The following CREB3L1 variants were observed in gnomAD, a reference collection of about 807,000 sequenced individuals.
CREB3L1 encodes cyclic AMP-responsive element-binding protein 3-like protein 1.
Under a neutral mutation model 54.5 loss-of-function variants are expected in CREB3L1, and 33 were observed. That is an observed-to-expected ratio of 0.61 (90% confidence interval 0.46 to 0.81). The LOEUF is 0.81. CREB3L1 is among the 30% of genes least tolerant of loss of function. The pLI, the probability that CREB3L1 is intolerant of heterozygous loss-of-function variation, is 0.00. For missense variants in CREB3L1, 656 were observed against 673.3 expected (o/e 0.97, Z 0.29); for synonymous variants, 284 against 286.4 (o/e 0.99, Z 0.08).
At chr11:46,283,905 T>G (rs1939015724) in intron 1 of CREB3L1, among the ~76,000 whole-genome samples, 1 of 151,824 alleles carries the variant, frequency 6.6e-6, no homozygotes, top group African/African-American at 2.4e-5. Context: ...GTTCAAGAGG[T>G]GTACTTATGA....
At chr11:46,313,763 A>G (rs1334220036) in intron 8 of CREB3L1, among the ~76,000 whole-genome samples, 3 of 152,176 alleles carry the variant, frequency 2.0e-5, no homozygotes, top group African/African-American at 4.8e-5. Context: ...GGTGATTCAC[A>G]TGTACTATGA....
chr11:46,310,246 G>A (rs567013111), intron 4 of CREB3L1, among the ~76,000 whole-genome samples, 179 bp downstream of exon 4: 1 of 141,298 alleles, frequency 7.1e-6, no homozygotes, highest in South Asian at 2.2e-4. Context: ...AGTCCTCTTC[G>A]TTTTTGTTTT....
In CREB3L1 at chr11:46,299,929, C is replaced by G; in HGVS notation, c.103-6C>G. ...TCCCTCTTCCCCTCACCTCTTCCTT[C>G]CCTAGCACTTTCCTGAGCACCTGGA... is the stretch of plus-strand genomic sequence containing the variant. On this transcript the variant is annotated splice_polypyrimidine_tract_variant and splice_region_variant and intron_variant, in intron 1 of 11. Coordinates refer to ENST00000621158, the MANE Select transcript of CREB3L1 (RefSeq NM_052854.4). 6.2e-7 allele frequency: 1 copy of G among 1,610,084 alleles called. No individual in the cohort carries two copies. Among genetic ancestry groups the G allele is most frequent in the Non-Finnish European group, 8.5e-7 (1 of 1,176,438 alleles).
At chr11:46,293,145 T>C (rs1939154054) in intron 1 of CREB3L1, among the ~76,000 whole-genome samples, 1 of 152,256 alleles carries the variant, frequency 6.6e-6, no homozygotes, top group South Asian at 2.1e-4. Flanking sequence ...CTAGATGCCC[T>C]TATTCTCCAG....
intron 2 of CREB3L1, among the ~76,000 whole-genome samples, chr11:46,306,156 G>C (rs1199778248): frequency 6.6e-6 from 1 of 152,170 alleles, no homozygotes; most frequent in East Asian, 1.9e-4. Flanking sequence ...CGATCCTCCT[G>C]CCTCAGCCTC....
rs141051981 is a variant in CREB3L1, at chr11:46,300,709, A to G, written c.331+546A>G. On this transcript the variant is annotated intron_variant, in intron 2 of 11. Coordinates refer to ENST00000621158, the MANE Select transcript of CREB3L1 (RefSeq NM_052854.4). Reference sequence around the variant, plus strand: ...CATATGGTGAAACCCCGTCTCTACTAAAAAAAAAATACAGGGCCGGGCGCG... The same window carrying G: ...CATATGGTGAAACCCCGTCTCTACTGAAAAAAAAATACAGGGCCGGGCGCG... Among the ~76,000 whole-genome samples the G allele has an allele frequency of 9.4e-5, 14 of 148,606 alleles. No individual in the cohort carries two copies. In the East Asian group the frequency reaches 2.2e-3, roughly 23 times the overall value.
At position 46,308,019 on chromosome 11, in the gene CREB3L1, T is replaced by C. The variant is rs759585509; in HGVS notation, c.516+19T>C. On this transcript the variant is annotated intron_variant, in intron 3 of 11. Transcript: ENST00000621158. Reference sequence around the variant, plus strand: ...CCACCAGGTGAGCCTGGGAACTGTTTGTAGCGGCTGAGGGAGGGAGGAGGG... The same window carrying C: ...CCACCAGGTGAGCCTGGGAACTGTTCGTAGCGGCTGAGGGAGGGAGGAGGG... 20 of 1,498,726 alleles carry C rather than the reference T, an allele frequency of 1.3e-5. No individual in the cohort carries two copies. Among genetic ancestry groups the C allele is most frequent in the Non-Finnish European group, 1.8e-5 (20 of 1,121,976 alleles). The allele number at this position is 1,498,726 out of a possible 1,614,324, so 92.8% of individuals were successfully genotyped here. A position where few individuals can be genotyped will look rare whatever the true frequency, so the allele number is the denominator to read the frequency against.
chr11:46,277,745 TTA>T lies in CREB3L1; in HGVS notation c.-366_-365del, dbSNP rs1938894156. 4.4e-6 allele frequency: 1 copy of T among 228,928 alleles called. No individual in the cohort carries two copies. The highest frequency in any genetic ancestry group is 8.6e-6 in the Non-Finnish European group (1 of 116,580). 14.2% of individuals were successfully genotyped at this position (228,928 alleles called of 1,614,324 possible). On this transcript the variant is annotated 5_prime_UTR_variant, in exon 1 of 12. Transcript: ENST00000621158. ...CAGCCACCCAGTCTCGGGGGAGCAC[TTA>T]GCTCCCCCGCCCCGGCTCCCACCCT...
chr11:46,313,256 G>A (rs1000756512), intron 8 of CREB3L1, among the ~76,000 whole-genome samples: 2 of 152,176 alleles, frequency 1.3e-5, no homozygotes, highest in African/African-American at 4.8e-5. Flanking sequence ...TCCAGGGGTA[G>A]GGCCCAGCGC....
intron 1 of CREB3L1, among the ~76,000 whole-genome samples, chr11:46,281,773 A>T (rs1308933703): frequency 6.6e-6 from 1 of 152,142 alleles, no homozygotes. Context: ...GGGTGTTCCT[A>T]TGTCTGTGGG....
chr11:46,317,215 G>T, intron 9 of CREB3L1, 146 bp from the exon 10 acceptor site: 1 of 996,880 alleles, frequency 1.0e-6, no homozygotes, highest in East Asian at 2.5e-5. Context: ...CCCACATGTA[G>T]GAGGGAGTGG....
At chr11:46,312,811 G>A in intron 7 of CREB3L1, 40 bp from the exon 8 acceptor site, 1 of 1,562,884 alleles carries the variant, frequency 6.4e-7, no homozygotes, top group Admixed American at 1.9e-5. Flanking sequence ...TTGTGAGTCT[G>A]GGGGCTGCCC....
Position 46,317,486 on chromosome 11 carries a change from G to C in CREB3L1, c.1257G>C (p.Gln419His), listed in dbSNP as rs773817341. The C allele has an allele frequency of 3.1e-6, 5 of 1,608,414 alleles. No individual in the cohort carries two copies. The Middle Eastern group carries it at 5.0e-4, about 160-fold the overall frequency. Residue 419 changes from glutamine to histidine, a missense_variant and splice_region_variant, in exon 10 of 12, where the codon CAG (glutamine) becomes CAC (histidine). By Grantham distance (24) the Gln-to-His change is conservative (BLOSUM62 0). Transcript: ENST00000621158. The part of the protein sequence containing the change: ...LAADGVYTAS[Q>H]MPSRSLLFYD... ...CAGACGGCGTCTACACGGCCAGCCA[G>C]AGTGAGTGCCCGCCTGTCATGCCAG...
rs1418725645 is a variant in CREB3L1, at chr11:46,287,488, TG to T, written c.102+9276del. Among the ~76,000 whole-genome samples, 68 of 151,966 alleles carry T rather than the reference TG, an allele frequency of 4.5e-4. 1 individual carries two copies. The highest frequency in any genetic ancestry group is 6.3e-4 in the South Asian group (3 of 4,800). ...TAATTTTTTGTATTTTTTGTAAAGATGTTTTTTTTGCCATGTTGCCCAGGCT... is the reference window on the plus strand; with the variant it reads ...TAATTTTTTGTATTTTTTGTAAAGATTTTTTTTTGCCATGTTGCCCAGGCT... On this transcript the variant is annotated intron_variant, in intron 1 of 11. Transcript: ENST00000621158.
intron 1 of CREB3L1, among the ~76,000 whole-genome samples, chr11:46,294,788 C>G (rs1439098993): frequency 1.3e-5 from 2 of 151,656 alleles, no homozygotes; most frequent in African/African-American, 4.8e-5. Context: ...GAAATGGGGA[C>G]AATTTTCTAG....
At chr11:46,298,556 G>A (rs1297436991) in intron 1 of CREB3L1, among the ~76,000 whole-genome samples, 1 of 152,090 alleles carries the variant, frequency 6.6e-6, no homozygotes, top group East Asian at 1.9e-4. Flanking sequence ...AAAATTAGCT[G>A]GGCGTGGTGG....
chr11:46,314,815 C>T (rs929640550), intron 8 of CREB3L1, among the ~76,000 whole-genome samples: 5 of 151,310 alleles, frequency 3.3e-5, no homozygotes, highest in Non-Finnish European at 7.4e-5. Context: ...TCAAGCAATT[C>T]TCATGCCTCA....
chr11:46,304,249 G>A (rs1939343730), intron 2 of CREB3L1, among the ~76,000 whole-genome samples: 1 of 152,140 alleles, frequency 6.6e-6, no homozygotes, highest in Non-Finnish European at 1.5e-5. Context: ...GAGGAGGGTG[G>A]ATCACCTGAG....
chr11:46,281,553 C>G (rs11038848), intron 1 of CREB3L1, among the ~76,000 whole-genome samples: 1 of 152,194 alleles, frequency 6.6e-6, no homozygotes, highest in Non-Finnish European at 1.5e-5. Context: ...CCAGCACACC[C>G]GTTTACTCCC....
Sources: gnomAD v4.1 joint callset for allele counts (sites outside exome capture counted in the v4.1 genomes callset) on GRCh38, gnomAD v4.1.1 for gene constraint, MANE v1.5 for transcripts, NCBI Gene and HGNC (gene_info 2026-07-23, HGNC 2026-07-21) for gene names.